The following MMS19 variants were observed in gnomAD, a reference collection of about 807,000 sequenced individuals.
MMS19 encodes MMS19 nucleotide excision repair protein homolog.
MMS19 carries 77 observed loss-of-function variants against 129.8 expected under a neutral mutation model. The ratio of observed to expected loss-of-function variants is 0.59; its 90% CI spans 0.49 to 0.72. The LOEUF is 0.72. MMS19 is among the 30% of genes least tolerant of loss of function. MMS19 has a pLI of 0.00. For synonymous variants in MMS19, 491 were observed against 502.8 expected (o/e 0.98, Z 0.31); for missense variants, 1,168 against 1,266.3 (o/e 0.92, Z 1.18).
chr10:97,478,472 G>A (rs982858469), intron 3 of MMS19, 83 bp from the exon 4 acceptor site: 6 of 996,288 alleles, frequency 6.0e-6, no homozygotes, highest in Admixed American at 4.7e-5. Context: ...GTCTATAACA[G>A]TTGTTTCTGT....
rs1380354793 is a variant in MMS19 at position 97,498,261 on chromosome 10, C to T, written c.112+12G>A. 5 of 1,543,248 alleles carry T rather than the reference C, an allele frequency of 3.2e-6. No individual in the cohort carries two copies. Among genetic ancestry groups the T allele is most frequent in the Non-Finnish European group, 4.3e-6 (5 of 1,153,000 alleles). ...CCCCCATGCGGAAGGCGCGCGGCGC[C>T]GTCTGCCGTACCTGCAGCCACCTGG... On this transcript the variant is annotated intron_variant, in intron 1 of 30. Transcript: ENST00000438925.
chr10:97,478,318 C>A lies in MMS19; in HGVS notation c.334G>T (p.Gly112Cys). The change falls in exon 4 of 31, where the codon GGT becomes TGT. Residue 112 changes from glycine (G) to cysteine (C), a missense_variant. Physicochemically the swap from Gly to Cys is radical, Grantham distance 159 (BLOSUM62 -3). Around this residue, in one of 3 missense-constraint regions of MMS19, gnomAD observed 329 missense variants for 328.6 expected, o/e 1.00. Transcript: ENST00000438925. ...GGAAAACTCACAAGTGCCTTCAAAC[C>A]CTGCAGGACAGATGGGATCACAAGA... ...HHLVIPSVLQ[G>C]LKALSLCVAL... 1 of 1,600,540 alleles carries A rather than the reference C, an allele frequency of 6.2e-7. No individual in the cohort carries two copies. Among genetic ancestry groups the A allele is most frequent in the East Asian group, 2.2e-5 (1 of 44,472 alleles).
intron 23 of MMS19, 26 bp from the exon 24 acceptor site, chr10:97,461,033 C>T (rs1319341867): frequency 6.6e-7 from 1 of 1,511,750 alleles, no homozygotes; most frequent in Non-Finnish European, 9.0e-7. Flanking sequence ...GAAATGCTGA[C>T]ATAAAGGCTA....
At chr10:97,477,537 C>T (rs2035983666) in intron 5 of MMS19, 121 bp from the exon 6 acceptor site, 1 of 1,314,518 alleles carries the variant, frequency 7.6e-7, no homozygotes. Flanking sequence ...TAAGATCAAT[C>T]TAAGAGAAAC....
In MMS19 at chr10:97,480,986, G is replaced by A. The variant is rs991028901; in HGVS notation, c.218C>T (p.Ser73Leu). ...GGTGTGACAGTGGAGTAGCACCTGT[G>A]ACAAAAGCTGGATTGCTCGTGCCCG... ...RTRARAIQLL[S>L]QVLLHCHTLL... The change falls in exon 3 of 31, where the codon TCA becomes TTA. Residue 73 changes from serine to leucine, a missense_variant. Ser to Leu is a moderately radical substitution (Grantham distance 145). Coordinates refer to ENST00000438925, the MANE Select transcript of MMS19 (RefSeq NM_022362.5). 9.9e-6 allele frequency: 16 copies of A among 1,610,342 alleles called. No homozygotes were observed. In the Admixed American group the frequency reaches 1.8e-4, roughly 19 times the overall value.
chr10:97,497,397 C>T (rs1008866587), intron 1 of MMS19, among the ~76,000 whole-genome samples: 1 of 152,052 alleles, frequency 6.6e-6, no homozygotes, highest in African/African-American at 2.4e-5. Context: ...GAAATGTGTC[C>T]TTACTTCTCT....
intron 17 of MMS19, 47 bp downstream of exon 17, chr10:97,466,012 A>G (rs1383009867): frequency 1.9e-6 from 3 of 1,611,720 alleles, no homozygotes; most frequent in African/African-American, 1.3e-5. Flanking sequence ...GAAGGCCCCA[A>G]AGCCTTGCTG....
At chr10:97,474,000 C>A (rs547708307) in intron 8 of MMS19, among the ~76,000 whole-genome samples, 1 of 151,598 alleles carries the variant, frequency 6.6e-6, no homozygotes, top group Admixed American at 6.6e-5. Flanking sequence ...AACAATTAGT[C>A]GGGAGTAGTG....
chr10:97,462,948 A>C, intron 19 of MMS19: 1 of 369,686 alleles, frequency 2.7e-6, no homozygotes, highest in Non-Finnish European at 4.8e-6. Context: ...GCTAAGATGA[A>C]CATTCTTAAC....
At position 97,467,570 on chromosome 10, in the gene MMS19, C is replaced by A; in HGVS notation, c.1232G>T (p.Arg411Leu). The change falls in exon 14 of 31, where the codon CGG becomes CTG. Residue 411 changes from arginine to leucine, a missense_variant. This residue lies in a region of MMS19 where 831 missense variants were observed against 910.8 expected (regional missense o/e 0.91). Coordinates refer to ENST00000438925, the MANE Select transcript of MMS19 (RefSeq NM_022362.5). Reference sequence around the variant, plus strand: ...ACCCAGGAGCATTTCAAGGATTGTCCGCCGCTGGCTGCTCTGTAACGTTTC... The same window carrying A: ...ACCCAGGAGCATTTCAAGGATTGTCAGCCGCTGGCTGCTCTGTAACGTTTC... ...FHKHSQSSQR[R>L]TILEMLLGFL... is the part of the protein sequence containing the mutation. 6.2e-7 allele frequency: 1 copy of A among 1,613,934 alleles called. No homozygotes were observed.
intron 27 of MMS19, 47 bp from the exon 28 acceptor site, chr10:97,459,573 C>T: frequency 1.2e-6 from 2 of 1,604,664 alleles, no homozygotes; most frequent in South Asian, 2.2e-5. Context: ...CATGAAGATC[C>T]TGGTTCTTGT....
At position 97,465,870 on chromosome 10, in the gene MMS19, G is replaced by T; in HGVS notation, c.1691C>A (p.Thr564Lys). 6.2e-7 allele frequency: 1 copy of T among 1,613,962 alleles called. No individual in the cohort carries two copies. The highest frequency in any genetic ancestry group is 8.5e-7 in the Non-Finnish European group (1 of 1,179,880). Residue 564 changes from threonine to lysine, a missense_variant, in exon 18 of 31, where the codon ACA becomes AAA. Transcript: ENST00000438925. Reference protein sequence around the residue: ...CCLQALSAVSTHPSIVKETLP... With the variant: ...CCLQALSAVSKHPSIVKETLP... ...TGTCTCCTTGACGATGCTGGGATGT[G>T]TTGATACAGCTGACAAGGCTTGCAG...
chr10:97,498,156 C>A (rs1259120525), intron 1 of MMS19, 117 bp downstream of exon 1: 9 of 965,254 alleles, frequency 9.3e-6, no homozygotes, highest in Non-Finnish European at 1.4e-5. Context: ...CACTAACCAG[C>A]CTTGAGACCA....
Position 97,463,876 on chromosome 10 carries a change from CAGCCAAGGCA to C in MMS19, c.1884_1893del (p.Ala629CysfsTer13). ...AAGTTACCTGGCATAGAGGCCTGCA[CAGCCAAGGCA>C]AGCAGGCAAGGTATAGCTGTCTGGT... On this transcript the variant is annotated frameshift_variant, in exon 19 of 31. Transcript: ENST00000438925. LOFTEE classifies it high-confidence loss of function. 6.2e-7 allele frequency: 1 copy of C among 1,611,532 alleles called. No homozygotes were observed. The highest frequency in any genetic ancestry group is 8.5e-7 in the Non-Finnish European group (1 of 1,178,946).
intron 23 of MMS19, 58 bp downstream of exon 23, chr10:97,461,438 A>C: frequency 6.3e-7 from 1 of 1,577,828 alleles, no homozygotes; most frequent in Non-Finnish European, 8.6e-7. Flanking sequence ...GTACTGAGCT[A>C]TAAGATTTCA....
intron 18 of MMS19, 125 bp downstream of exon 18, chr10:97,465,679 AT>A (rs929193089): frequency 3.3e-3 from 2,777 of 848,982 alleles, no homozygotes; most frequent in Non-Finnish European, 3.7e-3. Flanking sequence ...AGGCATCAGT[AT>A]TTTTTTTTTC....
chr10:97,485,272 G>T (rs995951952), intron 1 of MMS19, among the ~76,000 whole-genome samples: 22 of 151,986 alleles, frequency 1.4e-4, no homozygotes, highest in Non-Finnish European at 4.4e-5. Flanking sequence ...GGAATTACAG[G>T]TGCCTGCCAC....
chr10:97,477,157 A>T, intron 6 of MMS19, 190 bp downstream of exon 6: 1 of 1,474,526 alleles, frequency 6.8e-7, no homozygotes, highest in Non-Finnish European at 9.0e-7. Context: ...AAGAATTTAA[A>T]ACACTGGCTC....
In MMS19 at chr10:97,470,219, A is replaced by G. The variant is rs1476983342; in HGVS notation, c.772-16T>C. ...GCAGCAGAAACTGTGGGACAGAAGG[A>G]AGATCTTAAGCCTGAGATGGGTGGT... On this transcript the variant is annotated splice_polypyrimidine_tract_variant and intron_variant, in intron 9 of 30. Transcript: ENST00000438925. 1 of 1,586,332 alleles carries G rather than the reference A, an allele frequency of 6.3e-7. No individual in the cohort carries two copies. Among genetic ancestry groups the G allele is most frequent in the South Asian group, 1.1e-5 (1 of 87,348 alleles).
Sources: gnomAD v4.1 joint callset for allele counts (sites outside exome capture counted in the v4.1 genomes callset) on GRCh38, gnomAD v4.1.1 for gene constraint, gnomAD v4.1.1 regional missense constraint, MANE v1.5 for transcripts, NCBI Gene and HGNC (gene_info 2026-07-23, HGNC 2026-07-21) for gene names.